BRD4: variants seen among roughly 807,000 people sequenced by gnomAD.
BRD4 encodes the protein bromodomain containing 4, also known as bromodomain-containing protein 4.
In BRD4, 16 loss-of-function variants were observed where a neutral mutation model predicts 142.1. That is an observed-to-expected ratio of 0.11 (90% CI 0.08 to 0.17). The LOEUF (loss-of-function observed/expected upper bound fraction) is 0.17, where lower values mean the gene tolerates loss of function less well. Among genes scored for constraint, BRD4 ranks in the 10% least tolerant of loss-of-function variants. The pLI is 1.00. For missense variants in BRD4, 1,424 were observed against 1,810.9 expected (o/e 0.79, Z 3.88); for synonymous variants, 833 against 707.5 (o/e 1.18, Z -2.82).
chr19:15,331,807 C>T (rs1288631994), intron 1 of BRD4: 2 of 149,282 alleles, frequency 1.3e-5, no homozygotes, highest in African/African-American at 4.9e-5. Flanking sequence ...CAGCTGCGCT[C>T]GCGGCCCCCG....
intron 1 of BRD4, among the ~76,000 whole-genome samples, chr19:15,299,411 T>G (rs1420299573): frequency 6.6e-6 from 1 of 152,126 alleles, no homozygotes; most frequent in East Asian, 1.9e-4. Flanking sequence ...TTCCACACAT[T>G]CCGCACACAG....
At chr19:15,323,007 A>G (rs942609245) in intron 1 of BRD4, among the ~76,000 whole-genome samples, 1 of 151,558 alleles carries the variant, frequency 6.6e-6, no homozygotes, top group African/African-American at 2.4e-5. Flanking sequence ...CTGAAATCAT[A>G]CCACTGCACT....
intron 1 of BRD4, among the ~76,000 whole-genome samples, chr19:15,323,896 G>A (rs2048085988): frequency 6.6e-6 from 1 of 152,162 alleles, no homozygotes; most frequent in South Asian, 2.1e-4. Flanking sequence ...AACAGTCCCA[G>A]GCATCTTTAT....
At chr19:15,296,938 C>T (rs1317494851) in intron 1 of BRD4, among the ~76,000 whole-genome samples, 1 of 152,074 alleles carries the variant, frequency 6.6e-6, no homozygotes, top group African/African-American at 2.4e-5. Flanking sequence ...CCCCCACCAA[C>T]AGCCACCACA....
intron 14 of BRD4, among the ~76,000 whole-genome samples, chr19:15,241,258 C>T (rs931191330): frequency 1.3e-5 from 2 of 152,244 alleles, no homozygotes; most frequent in Non-Finnish European, 2.9e-5. Context: ...CAGGGATCCA[C>T]AGGCACATGA....
intron 1 of BRD4, among the ~76,000 whole-genome samples, chr19:15,282,453 A>G (rs1243344767): frequency 6.6e-6 from 1 of 152,162 alleles, no homozygotes; most frequent in Non-Finnish European, 1.5e-5. Flanking sequence ...CTGAAAACCA[A>G]CCAACCACTC....
Position 15,239,104 on chromosome 19 carries a change from T to A in BRD4, c.3737A>T (p.Glu1246Val). The A allele has an allele frequency of 6.2e-7, 1 of 1,608,214 alleles. No homozygotes were observed. The highest frequency in any genetic ancestry group is 8.5e-7 in the Non-Finnish European group (1 of 1,179,524). Residue 1246 changes from glutamate to valine, a missense_variant, in exon 18 of 20, where the codon GAG becomes GTG. By Grantham distance (121) the Glu-to-Val change is moderately radical. Around this residue, in one of 16 missense-constraint regions of BRD4, gnomAD observed 109 missense variants for 117.9 expected, o/e 0.92. Coordinates refer to ENST00000679869, the MANE Select transcript of BRD4 (RefSeq NM_001379291.1). This position sits in a 1 kb window ranked among gnomAD's most constrained non-coding sequence, Gnocchi z 7.4. ...EREKALKAQA[E>V]HAEKEKERLR... ...CCGCTCCTTCTCCTTCTCAGCGTGC[T>A]CGGCCTGAGCCTTCAGGGCCTTCTC...
At chr19:15,283,505 C>T (rs1043320869) in intron 1 of BRD4, among the ~76,000 whole-genome samples, 7 of 152,282 alleles carry the variant, frequency 4.6e-5, no homozygotes, top group African/African-American at 1.7e-4. Context: ...CAAGATCACG[C>T]CCTTTGGGAA....
At chr19:15,262,259 G>A (rs2047479443) in intron 7 of BRD4, among the ~76,000 whole-genome samples, 1 of 152,198 alleles carries the variant, frequency 6.6e-6, no homozygotes, top group South Asian at 2.1e-4. Context: ...GCAGATGGCT[G>A]CGACAGCCAG....
At chr19:15,327,751 T>C (rs1267902002) in intron 1 of BRD4, among the ~76,000 whole-genome samples, 2 of 151,520 alleles carry the variant, frequency 1.3e-5, no homozygotes, top group Non-Finnish European at 2.9e-5. Context: ...TTGGAAACAG[T>C]ACAGTGAGTG....
chr19:15,261,665 G>C (rs960778333), intron 7 of BRD4, among the ~76,000 whole-genome samples: 1 of 152,078 alleles, frequency 6.6e-6, no homozygotes, highest in Non-Finnish European at 1.5e-5. Flanking sequence ...AACAGGCCAG[G>C]TGCCGTGGCT....
intron 2 of BRD4, among the ~76,000 whole-genome samples, chr19:15,269,599 C>T (rs1025073173): frequency 3.3e-5 from 5 of 152,174 alleles, no homozygotes; most frequent in Non-Finnish European, 5.9e-5. Flanking sequence ...CTGGACTTAA[C>T]GTTTCTTTCA....
intron 10 of BRD4, 142 bp downstream of exon 10, chr19:15,255,155 G>T: frequency 1.2e-6 from 1 of 836,004 alleles, no homozygotes; most frequent in Non-Finnish European, 1.8e-6. Context: ...ACCTTTCGGA[G>T]GTTTCTGTGT....
intron 1 of BRD4, among the ~76,000 whole-genome samples, chr19:15,327,331 G>C (rs1329577026): frequency 6.6e-6 from 1 of 152,138 alleles, no homozygotes; most frequent in Admixed American, 6.5e-5. Context: ...TTGAGCTCCG[G>C]AGTTCAAGAC....
Position 15,238,640 on chromosome 19 carries a change from G to A in BRD4, c.4020+103C>T, listed in dbSNP as rs1215577740. On this transcript the variant is annotated intron_variant, in intron 19 of 19. Transcript: ENST00000679869. This position sits in a 1 kb window ranked among gnomAD's most constrained non-coding sequence, Gnocchi z 7.2. The stretch of plus-strand genomic sequence containing the variant: ...ACCACATGCCGACCAGCAGGGACGG[G>A]GCTCCCCCGCTGCCCCTCCCTGTCC... 21 of 1,457,364 alleles carry A rather than the reference G, an allele frequency of 1.4e-5. No individual in the cohort carries two copies. The Admixed American group carries it at 4.9e-4, about 34-fold the overall frequency. The allele number at this position is 1,457,364 out of a possible 1,614,324, so 90.3% of individuals were successfully genotyped here. A position where few individuals can be genotyped will look rare whatever the true frequency, so the allele number is the denominator to read the frequency against.
rs113849163 is a variant in BRD4 at position 15,324,931 on chromosome 19, A to G, written c.-35+7359T>C. ...TCAAGCACCTCTTCCACTGGTCTCCACTCAGAGCTCACTTGGAAGACGTGG... is the reference window on the plus strand; with the variant it reads ...TCAAGCACCTCTTCCACTGGTCTCCGCTCAGAGCTCACTTGGAAGACGTGG... On this transcript the variant is annotated intron_variant, in intron 1 of 19. Coordinates refer to ENST00000679869, the MANE Select transcript of BRD4 (RefSeq NM_001379291.1). Among the ~76,000 whole-genome samples the G allele has an allele frequency of 5.8e-3, 883 of 152,258 alleles. 14 individuals carry two copies. Among genetic ancestry groups the G allele is most frequent in the African/African-American group, 0.02 (843 of 41,542 alleles).
chr19:15,253,523 CG>C (rs1374298913), intron 11 of BRD4: 2 of 1,523,184 alleles, frequency 1.3e-6, no homozygotes, highest in Non-Finnish European at 1.8e-6. Context: ...AGGAGGGACA[CG>C]CAAGTCCAGG....
At chr19:15,312,409 A>G (rs2047979283) in intron 1 of BRD4, among the ~76,000 whole-genome samples, 1 of 152,056 alleles carries the variant, frequency 6.6e-6, no homozygotes, top group Admixed American at 6.6e-5. Flanking sequence ...CGAGGCGGGC[A>G]GATCACCTGA....
At chr19:15,266,288 C>T (rs1259342067) in intron 4 of BRD4, among the ~76,000 whole-genome samples, 2 of 152,214 alleles carry the variant, frequency 1.3e-5, no homozygotes, top group Non-Finnish European at 2.9e-5. Context: ...AGGAGCATAA[C>T]CTGGGTCACC....
Sources: gnomAD v4.1 joint callset for allele counts (sites outside exome capture counted in the v4.1 genomes callset) on GRCh38, gnomAD v4.1.1 for gene constraint, gnomAD v4.1.1 regional missense constraint, Gnocchi (gnomAD v3.1) non-coding constraint, MANE v1.5 for transcripts, NCBI Gene and HGNC (gene_info 2026-07-23, HGNC 2026-07-21) for gene names.